Variants in MACROD2 observed in about 807,000 individuals in gnomAD.
MACROD2 encodes the protein ADP-ribose glycohydrolase MACROD2.
In MACROD2, 36 loss-of-function variants were observed where a neutral mutation model predicts 70.4. That is an observed-to-expected ratio of 0.51 (90% CI 0.39 to 0.68). MACROD2 has a LOEUF of 0.68. Ranked by LOEUF, MACROD2 falls within the 30% of genes least tolerant of loss-of-function variation. The probability of loss-of-function intolerance (pLI) is 0.00; values close to 1 mark genes in which losing one functional copy is unlikely to be tolerated. For missense variants in MACROD2, 496 were observed against 538.4 expected, an observed-to-expected ratio of 0.92 and a Z score of 0.78; for synonymous variants, 172 against 178.8, an observed-to-expected ratio of 0.96 and a Z score of 0.30.
intron 5 of MACROD2, among the ~76,000 whole-genome samples, chr20:15,058,096 A>G (rs2049192648): frequency 6.6e-6 from 1 of 152,092 alleles, no homozygotes; most frequent in Non-Finnish European, 1.5e-5. Context: ...CCTGCTATGG[A>G]CCGGCTGCTC....
intron 8 of MACROD2, among the ~76,000 whole-genome samples, chr20:15,529,976 G>C (rs1022632296): frequency 6.6e-6 from 1 of 152,180 alleles, no homozygotes; most frequent in African/African-American, 2.4e-5. Flanking sequence ...AGAAATTTGA[G>C]TGAGGACATG....
intron 3 of MACROD2, among the ~76,000 whole-genome samples, chr20:14,204,420 C>A (rs561607778): frequency 6.6e-6 from 1 of 152,088 alleles, no homozygotes; most frequent in African/African-American, 2.4e-5. Context: ...TAGAGCAGGA[C>A]GTAGTCTGGT....
chr20:14,717,534 G>GTTT (rs11482339), intron 5 of MACROD2, among the ~76,000 whole-genome samples: 7 of 143,196 alleles, frequency 4.9e-5, no homozygotes, highest in Admixed American at 7.0e-5. Flanking sequence ...CTTTTATGTA[G>GTTT]TTTTTTTTTT....
intron 3 of MACROD2, among the ~76,000 whole-genome samples, chr20:14,238,295 A>G: frequency 6.6e-6 from 1 of 152,378 alleles, no homozygotes; most frequent in Admixed American, 6.5e-5. Flanking sequence ...TCAAAAGAAA[A>G]AAACACATGA....
intron 3 of MACROD2, among the ~76,000 whole-genome samples, chr20:14,409,769 G>A (rs2083729864): frequency 1.3e-5 from 2 of 152,034 alleles, no homozygotes; most frequent in South Asian, 2.1e-4. Context: ...GTCCTTAATT[G>A]CTGCTCGGGT....
Position 14,292,737 on chromosome 20 carries a change from C to T in MACROD2, c.272-200742C>T, listed in dbSNP as rs534246810. 6.6e-5 allele frequency among the ~76,000 whole-genome samples: 10 copies of T among 151,944 alleles called. No homozygotes were observed. The South Asian group carries it at 1.2e-3, about 19-fold the overall frequency. ...GCAACCTCCGCCTCCCAGGTTCAAA[C>T]GATTCTCCTGCCTTAGCCTCTTGAG... is the stretch of plus-strand genomic sequence containing the variant. On this transcript the variant is annotated intron_variant, in intron 3 of 17. Transcript: ENST00000684519.
intron 8 of MACROD2, among the ~76,000 whole-genome samples, chr20:15,757,191 CT>C (rs950954300): frequency 1.2e-4 from 18 of 152,124 alleles, no homozygotes; most frequent in Non-Finnish European, 2.4e-4. Flanking sequence ...AAGGAGTTCT[CT>C]TTGAAAATCT....
rs575377936 is a variant in MACROD2 at position 15,888,733 on chromosome 20, G to A, written c.775+2922G>A. Among the ~76,000 whole-genome samples, 6 of 152,202 alleles carry A rather than the reference G, an allele frequency of 3.9e-5. No individual in the cohort carries two copies. In the South Asian group the frequency reaches 1.2e-3, roughly 32 times the overall value. On this transcript the variant is annotated intron_variant, in intron 10 of 17. Transcript: ENST00000684519. ...ATATTCAATGGCCCAAGGATGCTAAGCCACTTGGGCAGAATGGGCTTGGGA... is the reference window on the plus strand; with the variant it reads ...ATATTCAATGGCCCAAGGATGCTAAACCACTTGGGCAGAATGGGCTTGGGA...
intron 5 of MACROD2, among the ~76,000 whole-genome samples, chr20:15,154,593 G>A (rs2076293827): frequency 6.6e-6 from 1 of 152,212 alleles, no homozygotes; most frequent in African/African-American, 2.4e-5. Flanking sequence ...GTGCCAGCAA[G>A]CTCAAGTTCT....
chr20:15,557,863 C>A (rs1240438179), intron 8 of MACROD2, among the ~76,000 whole-genome samples: 1 of 152,142 alleles, frequency 6.6e-6, no homozygotes, highest in African/African-American at 2.4e-5. Flanking sequence ...ACATTTTGCT[C>A]CTTTGTTCAT....
At chr20:15,598,588 C>G (rs1347466927) in intron 8 of MACROD2, among the ~76,000 whole-genome samples, 1 of 152,116 alleles carries the variant, frequency 6.6e-6, no homozygotes, top group Non-Finnish European at 1.5e-5. Flanking sequence ...AAAGACTAGT[C>G]AGTTATCTGC....
At chr20:14,744,824 G>C (rs1056980406) in intron 5 of MACROD2, among the ~76,000 whole-genome samples, 2 of 152,096 alleles carry the variant, frequency 1.3e-5, no homozygotes, top group African/African-American at 4.8e-5. Flanking sequence ...CCTAACGTGA[G>C]AGTTTTGCTG....
Position 16,051,849 on chromosome 20 carries a change from AC to A in MACROD2, c.*1974del, listed in dbSNP as rs2067462402. The A allele has an allele frequency of 6.6e-6, 1 of 152,220 alleles. No homozygotes were observed. Among genetic ancestry groups the A allele is most frequent in the African/African-American group, 2.4e-5 (1 of 41,444 alleles). The allele number at this position is 152,220 out of a possible 1,614,324, so 9.4% of individuals were successfully genotyped here. A position where few individuals can be genotyped will look rare whatever the true frequency, so the allele number is the denominator to read the frequency against. Reference sequence around the variant, plus strand: ...CAGTAATGAGTTACAGTTGAAAAAAACATGAGGGAAACAGAGGGACAGAGAT... The same window carrying A: ...CAGTAATGAGTTACAGTTGAAAAAAAATGAGGGAAACAGAGGGACAGAGAT... On this transcript the variant is annotated 3_prime_UTR_variant, in exon 18 of 18. Coordinates refer to ENST00000684519, the MANE Select transcript of MACROD2 (RefSeq NM_001351661.2).
At chr20:15,033,153 T>A (rs1465501030) in intron 5 of MACROD2, among the ~76,000 whole-genome samples, 1 of 152,212 alleles carries the variant, frequency 6.6e-6, no homozygotes, top group Non-Finnish European at 1.5e-5. Flanking sequence ...ATAGTGGTGA[T>A]GGTTGCACAA....
chr20:15,756,035 G>C (rs1405076546), intron 8 of MACROD2, among the ~76,000 whole-genome samples: 6 of 152,090 alleles, frequency 3.9e-5, no homozygotes, highest in Non-Finnish European at 8.8e-5. Flanking sequence ...AGGTTGCAGG[G>C]AGCCATCCTG....
At chr20:14,947,687 A>G (rs1194949402) in intron 5 of MACROD2, among the ~76,000 whole-genome samples, 1 of 152,132 alleles carries the variant, frequency 6.6e-6, no homozygotes, top group Non-Finnish European at 1.5e-5. Context: ...TTGCATTTCT[A>G]GCAAGCTCCC....
chr20:14,897,644 A>G (rs2073846433), intron 5 of MACROD2, among the ~76,000 whole-genome samples: 1 of 152,324 alleles, frequency 6.6e-6, no homozygotes, highest in South Asian at 2.1e-4. Context: ...AGAATGTTTT[A>G]GAAAGTTATT....
In MACROD2 at chr20:15,146,516, A is replaced by G. The variant is rs200440998; in HGVS notation, c.419-83424A>G. Among the ~76,000 whole-genome samples, 15 of 152,308 alleles carry G rather than the reference A, an allele frequency of 9.8e-5. No homozygotes were observed. In the East Asian group the frequency reaches 2.9e-3, roughly 29 times the overall value. On this transcript the variant is annotated intron_variant, in intron 5 of 17. Transcript: ENST00000684519. ...CATATTTTGCTTCTAGAAATTCAGAATTCACCCAAAGTAGCACAATTAGAG... is the reference window on the plus strand; with the variant it reads ...CATATTTTGCTTCTAGAAATTCAGAGTTCACCCAAAGTAGCACAATTAGAG...
chr20:14,375,353 A>G lies in MACROD2; in HGVS notation c.272-118126A>G, dbSNP rs183583654. Among the ~76,000 whole-genome samples, 538 of 152,332 alleles carry G rather than the reference A, an allele frequency of 3.5e-3. 6 individuals carry two copies. The Middle Eastern group carries it at 0.044, about 13-fold the overall frequency. Reference sequence around the variant, plus strand: ...GCCAGTATGGAATTTTGCAGCCAGTAGACAGAATTATGTTTAAGCAGTAGG... The same window carrying G: ...GCCAGTATGGAATTTTGCAGCCAGTGGACAGAATTATGTTTAAGCAGTAGG... On this transcript the variant is annotated intron_variant, in intron 3 of 17. Transcript: ENST00000684519.
Sources: gnomAD v4.1 joint callset for allele counts (sites outside exome capture counted in the v4.1 genomes callset) on GRCh38, gnomAD v4.1.1 for gene constraint, MANE v1.5 for transcripts, NCBI Gene and HGNC (gene_info 2026-07-23, HGNC 2026-07-21) for gene names.